Variants in KCNIP1 observed in about 807,000 individuals in gnomAD.
KCNIP1 encodes A-type potassium channel modulatory protein KCNIP1.
KCNIP1 carries 18 observed loss-of-function variants against 33.0 expected under a neutral mutation model. That is an observed-to-expected ratio of 0.55 (90% CI 0.38 to 0.81). The LOEUF (loss-of-function observed/expected upper bound fraction) is 0.81. KCNIP1 is among the 30% of genes least tolerant of loss of function. The probability of loss-of-function intolerance (pLI) is 0.00; values close to 1 mark genes in which losing one functional copy is unlikely to be tolerated. For missense variants in KCNIP1, 238 were observed against 271.6 expected, an observed-to-expected ratio of 0.88 and a Z score of 0.87; for synonymous variants, 93 against 98.3, an observed-to-expected ratio of 0.95 and a Z score of 0.32.
chr5:170,531,719 G>T (rs1284903091), intron 1 of KCNIP1, among the ~76,000 whole-genome samples: 7 of 152,168 alleles, frequency 4.6e-5, no homozygotes. Context: ...TTTGCTATTT[G>T]TACCTGTAAC....
chr5:170,497,096 C>G (rs1228327483), intron 1 of KCNIP1, among the ~76,000 whole-genome samples: 4 of 152,162 alleles, frequency 2.6e-5, no homozygotes, highest in African/African-American at 9.7e-5. Context: ...GCATCAACCT[C>G]TGCAGAGAGC....
intron 1 of KCNIP1, among the ~76,000 whole-genome samples, chr5:170,705,844 G>T (rs562404819): frequency 6.6e-6 from 1 of 152,296 alleles, no homozygotes; most frequent in African/African-American, 2.4e-5. Context: ...GGATTCTGTT[G>T]TTGAGAATGA....
chr5:170,520,508 C>T (rs976501819), intron 1 of KCNIP1, among the ~76,000 whole-genome samples: 3 of 152,208 alleles, frequency 2.0e-5, no homozygotes, highest in Non-Finnish European at 2.9e-5. Flanking sequence ...CCTGGGGCCT[C>T]GCACATCATT....
chr5:170,438,847 A>G (rs952955200), intron 1 of KCNIP1, among the ~76,000 whole-genome samples: 2 of 152,128 alleles, frequency 1.3e-5, no homozygotes, highest in Non-Finnish European at 2.9e-5. Context: ...AGCACCCTGT[A>G]CCGAGCGGCA....
chr5:170,660,048 A>C (rs1318304346), intron 1 of KCNIP1, among the ~76,000 whole-genome samples: 3 of 152,168 alleles, frequency 2.0e-5, no homozygotes, highest in Non-Finnish European at 4.4e-5. Context: ...AATGCAAGGA[A>C]ATAAGCTCAT....
intron 1 of KCNIP1, among the ~76,000 whole-genome samples, chr5:170,549,876 C>T (rs1341142620): frequency 6.6e-6 from 1 of 152,166 alleles, no homozygotes; most frequent in Non-Finnish European, 1.5e-5. Context: ...ACTACTGTCA[C>T]AGATATTTGT....
intron 1 of KCNIP1, among the ~76,000 whole-genome samples, chr5:170,423,848 G>A (rs1755554379): frequency 6.6e-6 from 1 of 152,190 alleles, no homozygotes. Flanking sequence ...ATGTTTAATT[G>A]TGGCTCAGTA....
intron 1 of KCNIP1, among the ~76,000 whole-genome samples, chr5:170,398,248 G>T (rs1158239791): frequency 2.0e-5 from 3 of 152,116 alleles, no homozygotes; most frequent in Non-Finnish European, 4.4e-5. Flanking sequence ...TGGTTGGGAG[G>T]ACCTTAAAAT....
chr5:170,443,059 A>C (rs1274682256), intron 1 of KCNIP1, among the ~76,000 whole-genome samples: 1 of 152,152 alleles, frequency 6.6e-6, no homozygotes, highest in Non-Finnish European at 1.5e-5. Context: ...CCCTTCCCTC[A>C]TCCTGTGGGG....
rs1249562840 is a variant in KCNIP1 at position 170,732,867 on chromosome 5, A to ACATGAT, written c.503_504insCATGAT (p.Glu168delinsAspMetMet). The ACATGAT allele has an allele frequency of 3.1e-6, 5 of 1,613,776 alleles. No individual in the cohort carries two copies. Reference sequence around the variant, plus strand: ...AAATACACATATCCTGTGCTCAAAGAGGACACTCCAAGGCAGCATGTGGAC... The same window carrying ACATGAT: ...AAATACACATATCCTGTGCTCAAAGACATGATGGACACTCCAAGGCAGCATGTGGAC... On this transcript the variant is annotated protein_altering_variant, in exon 6 of 8. Transcript: ENST00000328939.
chr5:170,600,095 T>G (rs554825723), intron 1 of KCNIP1, among the ~76,000 whole-genome samples: 2 of 152,130 alleles, frequency 1.3e-5, no homozygotes, highest in African/African-American at 4.8e-5. Context: ...CCCCTTCAGA[T>G]GAAGAAACTG....
intron 1 of KCNIP1, among the ~76,000 whole-genome samples, chr5:170,417,146 C>A (rs1026286855): frequency 6.6e-6 from 1 of 152,094 alleles, no homozygotes; most frequent in Non-Finnish European, 1.5e-5. Flanking sequence ...TGTAGCTGTT[C>A]AAAATGACAT....
At chr5:170,717,989 G>A (rs1016566770) in intron 1 of KCNIP1, among the ~76,000 whole-genome samples, 7 of 152,166 alleles carry the variant, frequency 4.6e-5, no homozygotes, top group South Asian at 2.1e-4. Flanking sequence ...AAAATTCCAC[G>A]GACTTGGACC....
At chr5:170,412,445 T>C (rs139089042) in intron 1 of KCNIP1, among the ~76,000 whole-genome samples, 9 of 152,182 alleles carry the variant, frequency 5.9e-5, no homozygotes, top group African/African-American at 2.2e-4. Flanking sequence ...TTTGGGGAGA[T>C]TGATCTGGCC....
intron 1 of KCNIP1, among the ~76,000 whole-genome samples, chr5:170,513,173 A>G (rs1381065804): frequency 6.6e-6 from 1 of 152,216 alleles, no homozygotes; most frequent in East Asian, 1.9e-4. Context: ...AGTACAGATT[A>G]TGGAACTATG....
At chr5:170,607,893 G>A (rs12523655) in intron 1 of KCNIP1, among the ~76,000 whole-genome samples, 62,352 of 151,992 alleles carry the variant, frequency 0.41, 13,061 homozygotes, top group Admixed American at 0.53. Flanking sequence ...CTCACAGCCC[G>A]CAACAAAATC....
At chr5:170,669,962 G>T (rs1467388275) in intron 1 of KCNIP1, among the ~76,000 whole-genome samples, 1 of 152,154 alleles carries the variant, frequency 6.6e-6, no homozygotes, top group Non-Finnish European at 1.5e-5. Flanking sequence ...ATCTACAAAA[G>T]TTTAAAATAA....
intron 1 of KCNIP1, among the ~76,000 whole-genome samples, chr5:170,624,245 A>G (rs1759725393): frequency 6.6e-6 from 1 of 152,202 alleles, no homozygotes; most frequent in African/African-American, 2.4e-5. Flanking sequence ...AGCATCTACT[A>G]TGTGCCATTC....
chr5:170,617,230 C>T (rs1759413958), intron 1 of KCNIP1, among the ~76,000 whole-genome samples: 1 of 152,080 alleles, frequency 6.6e-6, no homozygotes, highest in Non-Finnish European at 1.5e-5. Context: ...CGTCAGCACT[C>T]AGACTGGGGC....
Sources: gnomAD v4.1 joint callset for allele counts (sites outside exome capture counted in the v4.1 genomes callset) on GRCh38, gnomAD v4.1.1 for gene constraint, MANE v1.5 for transcripts, NCBI Gene and HGNC (gene_info 2026-07-23, HGNC 2026-07-21) for gene names.